WDR11: variants seen among roughly 807,000 people sequenced by gnomAD.
WDR11 encodes the protein WD repeat domain 11, also known as WD repeat-containing protein 11.
Under a neutral mutation model 151.2 loss-of-function variants are expected in WDR11, and 83 were observed. The ratio of observed to expected loss-of-function variants is 0.55; its 90% CI spans 0.46 to 0.66. The LOEUF is 0.66. Among genes scored for constraint, WDR11 ranks in the 30% least tolerant of loss-of-function variants. The pLI, the probability that WDR11 is intolerant of heterozygous loss-of-function variation, is 0.00. For missense variants in WDR11, 1,301 were observed against 1,480.9 expected, an observed-to-expected ratio of 0.88 and a Z score of 1.99; for synonymous variants, 484 against 533.1, an observed-to-expected ratio of 0.91 and a Z score of 1.27.
In WDR11 at chr10:120,901,053, A is replaced by G. The variant is rs1847796382; in HGVS notation, c.2642A>G (p.Glu881Gly). The part of the protein sequence containing the change: ...DISHVDYPEN[E>G]EIKNLLQEQL... ...CTTTACAGTGACTATCCAGAAAATG[A>G]AGAAATAAAGAATCTCCTCCAAGAA... The change falls in exon 21 of 29, where the codon GAA becomes GGA. Residue 881 changes from glutamate to glycine, a missense_variant. Coordinates refer to ENST00000263461, the MANE Select transcript of WDR11 (RefSeq NM_018117.12). 1.2e-6 allele frequency: 2 copies of G among 1,612,782 alleles called. No homozygotes were observed. Among genetic ancestry groups the G allele is most frequent in the Non-Finnish European group, 1.7e-6 (2 of 1,178,906 alleles).
At chr10:120,856,595 A>C (rs75506359) in intron 2 of WDR11, among the ~76,000 whole-genome samples, 14 of 151,394 alleles carry the variant, frequency 9.2e-5, no homozygotes, top group Admixed American at 9.2e-4. Context: ...AAAAAAAAAA[A>C]ATCCCTCCAC....
Position 120,862,869 on chromosome 10 carries a change from G to A in WDR11, c.661G>A (p.Ala221Thr), listed in dbSNP as rs1846189514. ...TAACAAGCTGGCCACAGCCACAGGT[G>A]CCAAGAAAGCTCTAAATAAAGTAAA... Reference protein sequence around the residue: ...AHNKLATATGAKKALNKVKIL... With the variant: ...AHNKLATATGTKKALNKVKIL... The change falls in exon 5 of 29, where the codon GCC (alanine) becomes ACC (threonine). Residue 221 changes from alanine to threonine, a missense_variant. Physicochemically the swap from Ala to Thr is moderately conservative, Grantham distance 58. Transcript: ENST00000263461. 6.2e-7 allele frequency: 1 copy of A among 1,613,944 alleles called. No homozygotes were observed. Among genetic ancestry groups the A allele is most frequent in the Non-Finnish European group, 8.5e-7 (1 of 1,179,980 alleles).
At chr10:120,883,358 G>A (rs1410995885) in intron 13 of WDR11, among the ~76,000 whole-genome samples, 1 of 152,168 alleles carries the variant, frequency 6.6e-6, no homozygotes, top group Non-Finnish European at 1.5e-5. Context: ...AGTGAATAAA[G>A]TGGCATTTGT....
chr10:120,900,934 C>T lies in WDR11; in HGVS notation c.2625-102C>T, dbSNP rs1031981581. ...TAACCAGGTTTCTAACCAAGAACTA[C>T]GAAGAAGGTTATCTCTATATTAACA... On this transcript the variant is annotated intron_variant, in intron 20 of 28. Coordinates refer to ENST00000263461, the MANE Select transcript of WDR11 (RefSeq NM_018117.12). The T allele has an allele frequency of 6.0e-5, 50 of 834,882 alleles. No individual in the cohort carries two copies. In the East Asian group the frequency reaches 8.5e-4, roughly 14 times the overall value. 51.7% of individuals were successfully genotyped at this position (834,882 alleles called of 1,614,324 possible).
chr10:120,862,603 T>C, intron 4 of WDR11, 132 bp from the exon 5 acceptor site: 1 of 938,008 alleles, frequency 1.1e-6, no homozygotes, highest in Non-Finnish European at 1.7e-6. Context: ...TCCCATTATG[T>C]TATGAATGCA....
intron 10 of WDR11, among the ~76,000 whole-genome samples, chr10:120,871,967 G>A (rs886120655): frequency 6.6e-6 from 1 of 152,160 alleles, no homozygotes; most frequent in Non-Finnish European, 1.5e-5. Flanking sequence ...ACAAAATTTA[G>A]TTTGCTATTA....
intron 19 of WDR11, among the ~76,000 whole-genome samples, chr10:120,894,038 T>G (rs1242872386): frequency 6.6e-6 from 1 of 151,828 alleles, no homozygotes; most frequent in African/African-American, 2.4e-5. Flanking sequence ...CATTTGTCAA[T>G]TTTGGCTTTT....
chr10:120,906,232 T>TA, intron 27 of WDR11: 1 of 1,442,050 alleles, frequency 6.9e-7, no homozygotes, highest in Non-Finnish European at 9.1e-7. Context: ...TTCCTACTAA[T>TA]ATGCTGATCA....
chr10:120,874,190 T>TTTTTTTTTTG lies in WDR11; in HGVS notation c.1556+269_1556+270insTTTTTTTGTT, dbSNP rs796119460. Among the ~76,000 whole-genome samples, 8 of 105,100 alleles carry TTTTTTTTTTG rather than the reference T, an allele frequency of 7.6e-5. No homozygotes were observed. The Admixed American group carries it at 9.0e-4, about 12-fold the overall frequency. The allele number at this position is 105,100 out of a possible 152,430, so 68.9% of individuals were successfully genotyped here. On this transcript the variant is annotated intron_variant, in intron 11 of 28. Transcript: ENST00000263461. ...CGGTTTTTGCAGTTTTTTTTTTTTT[T>TTTTTTTTTTG]TTGTTGTTGTTGTTGTTGTTTGTTT...
chr10:120,886,003 A>G (rs1042360656), intron 15 of WDR11, 65 bp downstream of exon 15: 20 of 1,603,526 alleles, frequency 1.2e-5, no homozygotes, highest in African/African-American at 8.0e-5. Context: ...GAAGTTGACA[A>G]GTATCATCGG....
chr10:120,860,795 A>T (rs1252939553), intron 4 of WDR11, among the ~76,000 whole-genome samples: 1 of 152,242 alleles, frequency 6.6e-6, no homozygotes, highest in Non-Finnish European at 1.5e-5. Flanking sequence ...TCCTGAGCTA[A>T]TGATCTAAAA....
At chr10:120,886,075 A>C in intron 15 of WDR11, 137 bp downstream of exon 15, 1 of 1,067,768 alleles carries the variant, frequency 9.4e-7, no homozygotes, top group Non-Finnish European at 1.4e-6. Flanking sequence ...ATCTTTCAGT[A>C]CATACCCAGA....
Position 120,904,097 on chromosome 10 carries a change from T to G in WDR11, c.2982T>G (p.Tyr994Ter). The change falls in exon 24 of 29, where the codon TAT becomes TAG. Residue 994 changes from tyrosine (Y) to a stop codon, truncating the protein, a stop_gained. Transcript: ENST00000263461. LOFTEE classifies it high-confidence loss of function. ...VNLQEVKRST[Y>*]DHTRKCTDQL... ...TGCAGGAAGTGAAACGGTCAACTTA[T>G]GATCATACAAGGAAATGTACAGACC... is the stretch of plus-strand genomic sequence containing the variant. 6.2e-7 allele frequency: 1 copy of G among 1,613,728 alleles called. No individual in the cohort carries two copies. The highest frequency in any genetic ancestry group is 8.5e-7 in the Non-Finnish European group (1 of 1,179,726).
intron 19 of WDR11, among the ~76,000 whole-genome samples, chr10:120,892,381 T>C (rs1847456820): frequency 6.6e-6 from 1 of 152,244 alleles, no homozygotes; most frequent in African/African-American, 2.4e-5. Context: ...GGAAAGGTCA[T>C]GCAATTGTGT....
intron 5 of WDR11, 55 bp downstream of exon 5, chr10:120,862,976 ATT>A: frequency 1.7e-6 from 2 of 1,183,946 alleles, no homozygotes; most frequent in Non-Finnish European, 2.5e-6. Flanking sequence ...TGAAAGCATC[ATT>A]TTTGGAGATG....
chr10:120,852,721 G>T, intron 2 of WDR11, 86 bp downstream of exon 2: 1 of 1,162,264 alleles, frequency 8.6e-7, no homozygotes, highest in Non-Finnish European at 1.3e-6. Context: ...TAAGTCTTAC[G>T]TGTAAGTGTT....
chr10:120,895,927 A>G (rs1590108888), intron 19 of WDR11, among the ~76,000 whole-genome samples: 1 of 152,212 alleles, frequency 6.6e-6, no homozygotes, highest in Admixed American at 6.6e-5. Flanking sequence ...ACAGAGCTAC[A>G]TGCACATTTA....
At chr10:120,890,661 A>G (rs1021668477) in intron 18 of WDR11, 55 bp from the exon 19 acceptor site, 3 of 1,606,898 alleles carry the variant, frequency 1.9e-6, no homozygotes, top group Non-Finnish European at 2.6e-6. Flanking sequence ...TTAATCTAGA[A>G]TAATAAAGAT....
chr10:120,874,176 G>GTTTTTTTTTTTTTTTTTTTTT (rs66873217), intron 11 of WDR11, among the ~76,000 whole-genome samples: 9 of 83,494 alleles, frequency 1.1e-4, no homozygotes, highest in African/African-American at 2.9e-4. Context: ...GGTTTTTGCA[G>GTTTTTTTTTTTTTTTTTTTTT]TTTTTTTTTT....
Sources: gnomAD v4.1 joint callset for allele counts (sites outside exome capture counted in the v4.1 genomes callset) on GRCh38, gnomAD v4.1.1 for gene constraint, MANE v1.5 for transcripts, NCBI Gene and HGNC (gene_info 2026-07-23, HGNC 2026-07-21) for gene names.